DNAI4: variants seen among roughly 807,000 people sequenced by gnomAD.
The protein encoded by DNAI4 is WD repeat domain 78.
In DNAI4, 85 loss-of-function variants were observed where a neutral mutation model predicts 105.8. The observed-to-expected ratio is 0.80, with a 90% CI of 0.67 to 0.96. The LOEUF is 0.96. Ranked by LOEUF, DNAI4 falls within the 40% of genes least tolerant of loss-of-function variation. The probability of loss-of-function intolerance (pLI) is 0.00; values close to 1 mark genes in which losing one functional copy is unlikely to be tolerated. For missense variants in DNAI4, 1,014 were observed against 1,005.6 expected, an observed-to-expected ratio of 1.01 and a Z score of -0.11; for synonymous variants, 352 against 331.5, an observed-to-expected ratio of 1.06 and a Z score of -0.67.
At chr1:66,831,236 T>C (rs555270572) in intron 13 of DNAI4, among the ~76,000 whole-genome samples, 1 of 152,176 alleles carries the variant, frequency 6.6e-6, no homozygotes, top group African/African-American at 2.4e-5. Context: ...CTAATTCTAT[T>C]AAGTATATAA....
At chr1:66,856,342 G>A (rs1016811559) in intron 7 of DNAI4, among the ~76,000 whole-genome samples, 16 of 151,710 alleles carry the variant, frequency 1.1e-4, no homozygotes, top group South Asian at 2.1e-4. Context: ...GCATGGTGGC[G>A]GGCGCCTGTA....
At chr1:66,823,067 C>A (rs1645668558) in intron 15 of DNAI4, among the ~76,000 whole-genome samples, 1 of 151,216 alleles carries the variant, frequency 6.6e-6, no homozygotes, top group Non-Finnish European at 1.5e-5. Context: ...ACTCCCCCCA[C>A]CCCACAACAG....
intron 15 of DNAI4, among the ~76,000 whole-genome samples, chr1:66,826,590 G>A (rs933356871): frequency 9.2e-5 from 14 of 152,182 alleles, no homozygotes; most frequent in Admixed American, 3.9e-4. Flanking sequence ...GAGCCACTGC[G>A]CCCAGCCAAG....
chr1:66,828,002 A>G, intron 13 of DNAI4, 92 bp from the exon 14 acceptor site: 2 of 776,264 alleles, frequency 2.6e-6, no homozygotes, highest in Non-Finnish European at 2.0e-6. Context: ...TATTAAAATC[A>G]ATTCAAGAAC....
At chr1:66,817,416 T>C (rs533374876) in intron 16 of DNAI4, among the ~76,000 whole-genome samples, 3 of 152,086 alleles carry the variant, frequency 2.0e-5, no homozygotes, top group Non-Finnish European at 2.9e-5. Context: ...CTACAAAATA[T>C]ACAAAAATTA....
intron 15 of DNAI4, among the ~76,000 whole-genome samples, chr1:66,824,802 A>G (rs1557896744): frequency 6.6e-6 from 1 of 152,238 alleles, no homozygotes; most frequent in Non-Finnish European, 1.5e-5. Flanking sequence ...GCTTAAGGAT[A>G]ATTCACTAGA....
Position 66,826,897 on chromosome 1 carries a change from G to C in DNAI4, c.2262C>G (p.Ala754=), listed in dbSNP as rs1457871758. The change falls in exon 15 of 17, where the codon GCC becomes GCG. Residue 754 remains alanine, a synonymous_variant. Transcript: ENST00000371026. The part of the protein sequence containing the change: ...YPATSVVYDV[A]WSPKSSYIFA... The stretch of plus-strand genomic sequence containing the variant: ...ATATATAGGATGATTTTGGAGACCA[G>C]GCAACGTCGTAAACAACAGAAGTAG... 6.2e-7 allele frequency: 1 copy of C among 1,614,104 alleles called. No homozygotes were observed.
chr1:66,917,736 A>T (rs908079300), intron 1 of DNAI4, among the ~76,000 whole-genome samples: 20 of 152,354 alleles, frequency 1.3e-4, no homozygotes, highest in Middle Eastern at 3.4e-3. Flanking sequence ...AATATTTGTG[A>T]GTATTCTTAA....
chr1:66,874,901 A>C lies in DNAI4; in HGVS notation c.680T>G (p.Val227Gly). Residue 227 changes from valine to glycine, a missense_variant, in exon 5 of 17, where the codon GTA becomes GGA. Val to Gly is a moderately radical substitution (Grantham distance 109, BLOSUM62 -3). Transcript: ENST00000371026. ...ATTCTTCTCCAGGTCTTCTTTTGTTACAATTTTTTCAGGTGCTGCCCTTAT... is the reference window on the plus strand; with the variant it reads ...ATTCTTCTCCAGGTCTTCTTTTGTTCCAATTTTTTCAGGTGCTGCCCTTAT... ...QVIRAAPEKI[V>G]TKEDLEKNIE... is the part of the protein sequence containing the mutation. 1.2e-6 allele frequency: 2 copies of C among 1,612,158 alleles called. No homozygotes were observed. The highest frequency in any genetic ancestry group is 1.7e-6 in the Non-Finnish European group (2 of 1,179,446).
intron 10 of DNAI4, among the ~76,000 whole-genome samples, chr1:66,837,094 G>A (rs147723242): frequency 7.0e-4 from 106 of 152,164 alleles, no homozygotes; most frequent in Admixed American, 2.1e-3. Flanking sequence ...GCTGGGTGCC[G>A]GTGGCTCACG....
intron 1 of DNAI4, among the ~76,000 whole-genome samples, chr1:66,917,319 G>A (rs1315425618): frequency 6.6e-6 from 1 of 152,174 alleles, no homozygotes; most frequent in African/African-American, 2.4e-5. Context: ...GATTATGGCT[G>A]CCCTAAAATT....
chr1:66,820,110 T>A (rs1442102123), intron 16 of DNAI4, among the ~76,000 whole-genome samples: 2 of 152,186 alleles, frequency 1.3e-5, no homozygotes, highest in East Asian at 1.9e-4. Context: ...GAGATAAATA[T>A]CCCAGTTCCT....
At chr1:66,895,089 T>C (rs561194909) in intron 2 of DNAI4, among the ~76,000 whole-genome samples, 2 of 152,362 alleles carry the variant, frequency 1.3e-5, no homozygotes, top group East Asian at 3.8e-4. Flanking sequence ...TAAACTTTTA[T>C]AGTTTTAAAA....
chr1:66,898,955 T>C (rs1406922789), intron 2 of DNAI4, among the ~76,000 whole-genome samples: 2 of 152,230 alleles, frequency 1.3e-5, no homozygotes, highest in African/African-American at 2.4e-5. Flanking sequence ...CTTTTTATGG[T>C]TGAATAATAT....
chr1:66,837,672 A>G, intron 10 of DNAI4, 38 bp downstream of exon 10: 3 of 1,571,538 alleles, frequency 1.9e-6, no homozygotes, highest in Non-Finnish European at 2.6e-6. Context: ...TTTTGTCAAC[A>G]GCCAGATAAA....
At position 66,836,206 on chromosome 1, in the gene DNAI4, AAGAGAGAGAG is replaced by A. The variant is rs1219534466; in HGVS notation, c.1582-439_1582-430del. Reference sequence around the variant, plus strand: ...AAAGAAAGAAAGAAAGAAAGAAAGAAAGAGAGAGAGAGAGAGAGAGAGAGAGAGAAAGAAA... The same window carrying A: ...AAAGAAAGAAAGAAAGAAAGAAAGAAAGAGAGAGAGAGAGAGAGAAAGAAA... On this transcript the variant is annotated intron_variant, in intron 10 of 16. Coordinates refer to ENST00000371026, the MANE Select transcript of DNAI4 (RefSeq NM_024763.5). Among the ~76,000 whole-genome samples, 43 of 17,006 alleles carry A rather than the reference AAGAGAGAGAG, an allele frequency of 2.5e-3. 1 individual carries two copies. Among genetic ancestry groups the A allele is most frequent in the African/African-American group, 6.5e-3 (38 of 5,814 alleles). The allele number at this position is 17,006 out of a possible 152,430, so 11.2% of individuals were successfully genotyped here.
chr1:66,893,503 A>G, intron 2 of DNAI4, 90 bp from the exon 3 acceptor site: 2 of 936,044 alleles, frequency 2.1e-6, no homozygotes, highest in Non-Finnish European at 3.0e-6. Flanking sequence ...AATATGGTAG[A>G]AAAAAGATTA....
chr1:66,837,110 A>G (rs1023702950), intron 10 of DNAI4, among the ~76,000 whole-genome samples: 7 of 152,210 alleles, frequency 4.6e-5, no homozygotes, highest in African/African-American at 1.7e-4. Flanking sequence ...TCACGCCCGT[A>G]ATCCCAGCAC....
intron 6 of DNAI4, among the ~76,000 whole-genome samples, chr1:66,866,889 A>G (rs1646745595): frequency 6.6e-6 from 1 of 152,162 alleles, no homozygotes; most frequent in East Asian, 1.9e-4. Flanking sequence ...ATTTTAATTG[A>G]CTCACAGTTC....
Sources: allele counts gnomAD v4.1 joint callset (sites outside exome capture counted in the v4.1 genomes callset), GRCh38; gene constraint gnomAD v4.1.1; transcripts MANE v1.5; gene names NCBI Gene and HGNC (gene_info 2026-07-23, HGNC 2026-07-21).